The following SGCZ variants were observed in gnomAD, a reference collection of about 807,000 sequenced individuals.
The protein encoded by SGCZ is zeta-sarcoglycan.
In SGCZ, 40 loss-of-function variants were observed where a neutral mutation model predicts 41.3. The ratio of observed to expected loss-of-function variants is 0.97; its 90% CI spans 0.75 to 1.26. SGCZ has a LOEUF of 1.26. Among genes scored for constraint, SGCZ ranks in the 50% most tolerant of loss-of-function variants. The probability of loss-of-function intolerance (pLI) is 0.00; values close to 1 mark genes in which losing one functional copy is unlikely to be tolerated. For synonymous variants in SGCZ, 206 were observed against 137.5 expected (o/e 1.50, Z -3.49); for missense variants, 552 against 369.8 (o/e 1.49, Z -4.04).
At chr8:14,693,244 C>G (rs1363786875) in intron 1 of SGCZ, among the ~76,000 whole-genome samples, 2 of 151,834 alleles carry the variant, frequency 1.3e-5, no homozygotes, top group African/African-American at 2.4e-5. Context: ...TTAATAATTT[C>G]CATTCCTCAA....
At chr8:14,326,880 C>T (rs775329945) in intron 2 of SGCZ, among the ~76,000 whole-genome samples, 12 of 151,996 alleles carry the variant, frequency 7.9e-5, no homozygotes, top group Non-Finnish European at 1.6e-4. Flanking sequence ...TTTTGCAGCA[C>T]TGTAGTTATT....
intron 2 of SGCZ, among the ~76,000 whole-genome samples, chr8:14,539,320 T>C (rs907260964): frequency 1.7e-4 from 26 of 151,892 alleles, no homozygotes; most frequent in African/African-American, 6.0e-4. Flanking sequence ...TACATCCTAT[T>C]GCTTCTGTTT....
chr8:14,558,027 T>G (rs1166879191), intron 1 of SGCZ, among the ~76,000 whole-genome samples: 1 of 152,108 alleles, frequency 6.6e-6, no homozygotes, highest in African/African-American at 2.4e-5. Context: ...CATTTAAGGC[T>G]ACTATGAACA....
chr8:14,931,869 A>G (rs112150868), intron 1 of SGCZ, among the ~76,000 whole-genome samples: 4 of 152,020 alleles, frequency 2.6e-5, no homozygotes, highest in African/African-American at 9.7e-5. Flanking sequence ...TAACTGTTTT[A>G]ACCTTGACAC....
chr8:14,098,440 T>G (rs1801911371), intron 7 of SGCZ, among the ~76,000 whole-genome samples: 1 of 152,222 alleles, frequency 6.6e-6, no homozygotes, highest in South Asian at 2.1e-4. Flanking sequence ...CTTGTGGCTC[T>G]CTTCTCCCCA....
chr8:14,570,028 C>T (rs1324906743), intron 1 of SGCZ, among the ~76,000 whole-genome samples: 2 of 151,762 alleles, frequency 1.3e-5, no homozygotes, highest in South Asian at 2.1e-4. Flanking sequence ...TCATTACCTT[C>T]ATCTCCCTGA....
chr8:14,506,111 G>A (rs542440165), intron 2 of SGCZ, among the ~76,000 whole-genome samples: 1 of 152,186 alleles, frequency 6.6e-6, no homozygotes, highest in African/African-American at 2.4e-5. Context: ...GCCGAGGCAG[G>A]CGGATCATGA....
chr8:14,363,615 T>C (rs931388462), intron 2 of SGCZ, among the ~76,000 whole-genome samples: 1 of 152,138 alleles, frequency 6.6e-6, no homozygotes, highest in Admixed American at 6.5e-5. Context: ...CCCAACTTCA[T>C]TATAACAACT....
intron 1 of SGCZ, among the ~76,000 whole-genome samples, chr8:14,584,637 T>A (rs1410725561): frequency 6.6e-6 from 1 of 152,124 alleles, no homozygotes; most frequent in African/African-American, 2.4e-5. Context: ...AAAAGAGTTG[T>A]GCGGTCTTCA....
intron 1 of SGCZ, among the ~76,000 whole-genome samples, chr8:14,718,918 A>T (rs1021612171): frequency 6.7e-6 from 1 of 149,232 alleles, no homozygotes; most frequent in Non-Finnish European, 1.5e-5. Context: ...TTAGTTACAC[A>T]TGTATACATG....
intron 1 of SGCZ, among the ~76,000 whole-genome samples, chr8:15,093,600 AT>A (rs1411762526): frequency 6.6e-6 from 1 of 152,306 alleles, no homozygotes; most frequent in East Asian, 1.9e-4. Flanking sequence ...GAATTTTCCT[AT>A]TTTGTATTTG....
At chr8:14,506,695 A>G (rs1802315173) in intron 2 of SGCZ, among the ~76,000 whole-genome samples, 1 of 152,178 alleles carries the variant, frequency 6.6e-6, no homozygotes, top group South Asian at 2.1e-4. Flanking sequence ...TGCTGTGATC[A>G]AGGATATCAA....
At chr8:14,122,853 T>C (rs1802742796) in intron 5 of SGCZ, among the ~76,000 whole-genome samples, 1 of 152,172 alleles carries the variant, frequency 6.6e-6, no homozygotes, top group Non-Finnish European at 1.5e-5. Flanking sequence ...GGTTTCTATT[T>C]TAAGATATTT....
At chr8:14,350,299 G>A (rs1003827988) in intron 2 of SGCZ, among the ~76,000 whole-genome samples, 4 of 151,582 alleles carry the variant, frequency 2.6e-5, no homozygotes, top group South Asian at 4.2e-4. Context: ...CTGGGGATAT[G>A]CATCTGTTTG....
chr8:14,165,513 G>T (rs1429114126), intron 4 of SGCZ, among the ~76,000 whole-genome samples: 1 of 152,066 alleles, frequency 6.6e-6, no homozygotes, highest in Non-Finnish European at 1.5e-5. Flanking sequence ...AGAAATTTGA[G>T]ATAATGGCCA....
At chr8:14,509,344 T>A (rs1802398978) in intron 2 of SGCZ, among the ~76,000 whole-genome samples, 1 of 152,186 alleles carries the variant, frequency 6.6e-6, no homozygotes, top group Admixed American at 6.6e-5. Flanking sequence ...AATATCTCTA[T>A]CACACCATTT....
At chr8:14,560,695 A>C (rs545079714) in intron 1 of SGCZ, among the ~76,000 whole-genome samples, 104 of 152,278 alleles carry the variant, frequency 6.8e-4, no homozygotes, top group African/African-American at 2.5e-3. Context: ...AAACTTACTA[A>C]ATCTATGAAA....
chr8:14,231,276 A>T (rs1448833234), intron 4 of SGCZ, among the ~76,000 whole-genome samples: 3 of 151,438 alleles, frequency 2.0e-5, no homozygotes, highest in Non-Finnish European at 2.9e-5. Context: ...AGACAGAGAC[A>T]GAGAGAGAGA....
At chr8:14,462,267 A>C (rs1330359768) in intron 2 of SGCZ, among the ~76,000 whole-genome samples, 1 of 151,962 alleles carries the variant, frequency 6.6e-6, no homozygotes, top group Non-Finnish European at 1.5e-5. Context: ...AAAAACATAT[A>C]GAGGTGCAAG....
Sources: gnomAD v4.1 joint callset for allele counts (sites outside exome capture counted in the v4.1 genomes callset) on GRCh38, gnomAD v4.1.1 for gene constraint, MANE v1.5 for transcripts, NCBI Gene and HGNC (gene_info 2026-07-23, HGNC 2026-07-21) for gene names.